PRR12: variants seen among roughly 807,000 people sequenced by gnomAD.
PRR12 encodes proline rich 12.
In PRR12, 12 loss-of-function variants were observed where a neutral mutation model predicts 138.0. That is an observed-to-expected ratio of 0.09 (90% CI 0.06 to 0.14). The LOEUF (loss-of-function observed/expected upper bound fraction) is 0.14. Ranked by LOEUF, PRR12 falls within the 10% of genes least tolerant of loss-of-function variation. The probability of loss-of-function intolerance (pLI) is 1.00; values close to 1 mark genes in which losing one functional copy is unlikely to be tolerated. For missense variants in PRR12, 2,692 were observed against 2,861.3 expected, an observed-to-expected ratio of 0.94 and a Z score of 1.35; for synonymous variants, 1,567 against 1,291.7, an observed-to-expected ratio of 1.21 and a Z score of -4.57.
intron 9 of PRR12, among the ~76,000 whole-genome samples, chr19:49,619,365 C>T (rs1403765463): frequency 1.5e-5 from 2 of 136,520 alleles, no homozygotes; most frequent in African/African-American, 5.5e-5. Context: ...CCTCCCGAGT[C>T]GCTGTGATTA....
In PRR12 at chr19:49,601,772, A is replaced by T. The variant is rs2080813072; in HGVS notation, c.4627A>T (p.Thr1543Ser). ...TCCCGAAGACCCCGAGCTGCCGGAC[A>T]CCCGGCCCCTGCATCTGGCCAAAAA... is the stretch of plus-strand genomic sequence containing the variant. ...PSPEDPELPD[T>S]RPLHLAKKQE... Residue 1543 changes from threonine to serine, a missense_variant, in exon 6 of 14, where the codon ACC becomes TCC. By Grantham distance (58) the Thr-to-Ser change is moderately conservative. This residue lies in a region of PRR12 where 231 missense variants were observed against 200.8 expected (regional missense o/e 1.15). Transcript: ENST00000418929. The T allele has an allele frequency of 1.9e-6, 3 of 1,600,778 alleles. No individual in the cohort carries two copies. The highest frequency in any genetic ancestry group is 2.6e-6 in the Non-Finnish European group (3 of 1,175,664).
In PRR12 at chr19:49,614,559, C is replaced by A. The variant is rs2080882134; in HGVS notation, c.4800C>A (p.Pro1600=). The A allele has an allele frequency of 6.4e-7, 1 of 1,556,820 alleles. No individual in the cohort carries two copies. Among genetic ancestry groups the A allele is most frequent in the Non-Finnish European group, 8.7e-7 (1 of 1,150,444 alleles). ...LKLALQTGRE[P]PPIWRVQKAL... is the part of the protein sequence containing the mutation. ...TGGCGTTGCAGACGGGGCGTGAACC[C>A]CCACCCATCTGGCGAGTCCAGAAGG... The change falls in exon 7 of 14, where the codon CCC becomes CCA. Residue 1600 remains proline (P), a synonymous_variant. Coordinates refer to ENST00000418929, the MANE Select transcript of PRR12 (RefSeq NM_020719.3). The surrounding 1 kb of genome is among the most constrained non-coding windows in gnomAD (Gnocchi z 5.0).
At position 49,596,229 on chromosome 19, in the gene PRR12, C is replaced by T. The variant is rs1462638209; in HGVS notation, c.1894C>T (p.Pro632Ser). The T allele has an allele frequency of 1.9e-6, 3 of 1,610,880 alleles. No homozygotes were observed. Among genetic ancestry groups the T allele is most frequent in the Non-Finnish European group, 2.5e-6 (3 of 1,179,670 alleles). The change falls in exon 4 of 14, where the codon CCT (proline) becomes TCT (serine). Residue 632 changes from proline (P) to serine (S), a missense_variant. By Grantham distance (74) the Pro-to-Ser change is moderately conservative. This residue lies in a region of PRR12 where 840 missense variants were observed against 689.8 expected (regional missense o/e 1.22). Coordinates refer to ENST00000418929, the MANE Select transcript of PRR12 (RefSeq NM_020719.3). This position sits in a 1 kb window ranked among gnomAD's most constrained non-coding sequence, Gnocchi z 5.6. ...GCTGCTGGCGGGCCCAGGTGGGCCT[C>T]CTGCGGAGCGCACAGAGGATGAGGA... ...SELLAGPGGP[P>S]AERTEDEEFL...
intron 1 of PRR12, 59 bp downstream of exon 1, chr19:49,591,799 G>C: frequency 1.1e-6 from 1 of 942,480 alleles, no homozygotes; most frequent in Non-Finnish European, 1.4e-6. Flanking sequence ...CAGCCGGGCC[G>C]GGCCGGGCCG....
chr19:49,610,004 C>T (rs577373840), intron 6 of PRR12, among the ~76,000 whole-genome samples: 8 of 150,850 alleles, frequency 5.3e-5, no homozygotes, highest in East Asian at 2.0e-4. Context: ...GACGAAGTCT[C>T]GCTCTTGTCC....
chr19:49,603,512 G>A (rs897004354), intron 6 of PRR12, among the ~76,000 whole-genome samples: 1 of 152,294 alleles, frequency 6.6e-6, no homozygotes, highest in South Asian at 2.1e-4. Context: ...CCAACATGGT[G>A]AAACCCCGTC....
chr19:49,593,164 C>T (rs10404887), intron 1 of PRR12, among the ~76,000 whole-genome samples, 163 bp from the exon 2 acceptor site: 8 of 151,800 alleles, frequency 5.3e-5, no homozygotes, highest in East Asian at 1.9e-4. Flanking sequence ...TTGAGCACCC[C>T]GATTCCCTTG....
At chr19:49,618,953 C>T (rs2080906479) in intron 9 of PRR12, among the ~76,000 whole-genome samples, 1 of 152,016 alleles carries the variant, frequency 6.6e-6, no homozygotes, top group African/African-American at 2.4e-5. Flanking sequence ...TCATGGCTCC[C>T]TAGTACCCAC....
At chr19:49,615,606 G>C (rs1284834557) in intron 8 of PRR12, 141 bp from the exon 9 acceptor site, 1 of 709,866 alleles carries the variant, frequency 1.4e-6, no homozygotes, top group African/African-American at 1.8e-5. Context: ...GTCCCAGAGA[G>C]GGAGGGGAAC....
At position 49,601,629 on chromosome 19, in the gene PRR12, C is replaced by T; in HGVS notation, c.4484C>T (p.Ser1495Leu). 2 of 1,539,334 alleles carry T rather than the reference C, an allele frequency of 1.3e-6. No individual in the cohort carries two copies. The highest frequency in any genetic ancestry group is 2.5e-5 in the East Asian group (1 of 40,730). Residue 1495 changes from serine to leucine, a missense_variant, in exon 6 of 14, where the codon TCA becomes TTA. This residue lies in a region of PRR12 where 231 missense variants were observed against 200.8 expected (regional missense o/e 1.15). Coordinates refer to ENST00000418929, the MANE Select transcript of PRR12 (RefSeq NM_020719.3). ...CCGCTGGTGGCCCCCACGCCCAGCTCACCACCGCCACCGCCGCTGCCGCCG... is the reference window on the plus strand; with the variant it reads ...CCGCTGGTGGCCCCCACGCCCAGCTTACCACCGCCACCGCCGCTGCCGCCG... The part of the protein sequence containing the change: ...PPPLVAPTPS[S>L]PPPPPLPPPP...
rs937401075 is a variant in PRR12, at chr19:49,616,625, A to T, written c.5497+406A>T. Among the ~76,000 whole-genome samples the T allele has an allele frequency of 6.6e-6, 1 of 152,152 alleles. No homozygotes were observed. The highest frequency in any genetic ancestry group is 1.5e-5 in the Non-Finnish European group (1 of 68,024). Reference sequence around the variant, plus strand: ...GGCTGAGGAAGATGTGGGACTAGGCAGCTGTCCTGGAGGCTCTGTGATGGT... The same window carrying T: ...GGCTGAGGAAGATGTGGGACTAGGCTGCTGTCCTGGAGGCTCTGTGATGGT... On this transcript the variant is annotated intron_variant, in intron 9 of 13. Transcript: ENST00000418929. This position sits in a 1 kb window ranked among gnomAD's most constrained non-coding sequence, Gnocchi z 4.2.
chr19:49,595,395 G>C lies in PRR12; in HGVS notation c.1060G>C (p.Ala354Pro), dbSNP rs1369015167. Residue 354 changes from alanine (A) to proline (P), a missense_variant, in exon 4 of 14, where the codon GCC (alanine) becomes CCC (proline). Physicochemically the swap from Ala to Pro is conservative, Grantham distance 27. Around this residue, in one of 11 missense-constraint regions of PRR12, gnomAD observed 523 missense variants for 496.4 expected, o/e 1.05. Coordinates refer to ENST00000418929, the MANE Select transcript of PRR12 (RefSeq NM_020719.3). Reference protein sequence around the residue: ...GEPSKAGPSGATAGASGRATG... With the variant: ...GEPSKAGPSGPTAGASGRATG... ...GCCTAGCAAGGCTGGTCCCAGCGGA[G>C]CCACGGCTGGGGCATCTGGCCGGGC... The C allele has an allele frequency of 6.5e-7, 1 of 1,542,586 alleles. No homozygotes were observed.
In PRR12 at chr19:49,593,390, T is replaced by C. The variant is rs779239301; in HGVS notation, c.150T>C (p.Tyr50=). 2 of 1,610,278 alleles carry C rather than the reference T, an allele frequency of 1.2e-6. No homozygotes were observed. Among genetic ancestry groups the C allele is most frequent in the South Asian group, 2.2e-5 (2 of 90,832 alleles). Residue 50 remains tyrosine, a synonymous_variant, in exon 2 of 14, where the codon TAT becomes TAC. Transcript: ENST00000418929. ...CGGACATCTTACACCGCCAGGCCTA[T>C]GCGGCCCCCCACCCACTGCAAAGCT... is the stretch of plus-strand genomic sequence containing the variant. ...PETDILHRQA[Y]AAPHPLQSYA... is the part of the protein sequence containing the mutation.
chr19:49,593,341 G>C lies in PRR12; in HGVS notation c.101G>C (p.Ser34Thr). ...RSAKASLVYG[S>T]SRTSHPETDI... ...TTTCCCCCCAGCTTGGTTTATGGCAGCTCCAGGACCTCGCACCCCGAGACG... is the reference window on the plus strand; with the variant it reads ...TTTCCCCCCAGCTTGGTTTATGGCACCTCCAGGACCTCGCACCCCGAGACG... Residue 34 changes from serine (S) to threonine (T), a missense_variant, in exon 2 of 14, where the codon AGC (serine) becomes ACC (threonine). By Grantham distance (58) the Ser-to-Thr change is moderately conservative (BLOSUM62 1). Around this residue, in one of 11 missense-constraint regions of PRR12, gnomAD observed 211 missense variants for 266.3 expected, o/e 0.79. Transcript: ENST00000418929. The C allele has an allele frequency of 1.2e-6, 2 of 1,606,174 alleles. No homozygotes were observed. The highest frequency in any genetic ancestry group is 1.7e-6 in the Non-Finnish European group (2 of 1,176,482).
In PRR12 at chr19:49,596,552, C is replaced by T. The variant is rs755217328; in HGVS notation, c.2217C>T (p.Pro739=). The T allele has an allele frequency of 3.7e-5, 60 of 1,605,478 alleles. No homozygotes were observed. The highest frequency in any genetic ancestry group is 5.5e-5 in the South Asian group (5 of 90,170). The change falls in exon 4 of 14, where the codon CCC becomes CCT. Residue 739 remains proline, a synonymous_variant. Transcript: ENST00000418929. This position sits in a 1 kb window ranked among gnomAD's most constrained non-coding sequence, Gnocchi z 5.6. ...GGCCAGAGCGGGGTGGCGAGACCCC[C>T]GAGGGGCTGGCCACCTCTGTTGTCC... The part of the protein sequence containing the change: ...KKGPERGGET[P]EGLATSVVHY...
At chr19:49,598,086 T>A (rs1599788273) in intron 4 of PRR12, 73 bp downstream of exon 4, 9 of 1,258,266 alleles carry the variant, frequency 7.2e-6, no homozygotes, top group Non-Finnish European at 9.0e-6. Context: ...TTTTTTTTTT[T>A]TTTTTGAGAC....
intron 6 of PRR12, among the ~76,000 whole-genome samples, chr19:49,610,574 G>T (rs1194790411): frequency 9.4e-6 from 1 of 106,224 alleles, no homozygotes; most frequent in Non-Finnish European, 1.8e-5. Context: ...ATGGAGTCTC[G>T]CTCTGTTGCC....
In PRR12 at chr19:49,625,960, T is replaced by C. The variant is rs1486678133; in HGVS notation, c.*353T>C. Reference sequence around the variant, plus strand: ...GTACATAATGTATAGGAAAAGTCTATGTATGGCTGGGGGGGGTGGGGTGGC... The same window carrying C: ...GTACATAATGTATAGGAAAAGTCTACGTATGGCTGGGGGGGGTGGGGTGGC... On this transcript the variant is annotated 3_prime_UTR_variant, in exon 14 of 14. Coordinates refer to ENST00000418929, the MANE Select transcript of PRR12 (RefSeq NM_020719.3). This position sits in a 1 kb window ranked among gnomAD's most constrained non-coding sequence, Gnocchi z 5.5. The C allele has an allele frequency of 6.1e-6, 1 of 163,070 alleles. No individual in the cohort carries two copies. Among genetic ancestry groups the C allele is most frequent in the Non-Finnish European group, 1.3e-5 (1 of 76,032 alleles). The allele number at this position is 163,070 out of a possible 1,614,324, so 10.1% of individuals were successfully genotyped here.
chr19:49,623,048 G>A (rs1176628851), intron 11 of PRR12, among the ~76,000 whole-genome samples: 1 of 151,652 alleles, frequency 6.6e-6, no homozygotes, highest in Admixed American at 6.6e-5. Context: ...TGGGATGACC[G>A]AGAATTCTGG....
Sources: allele counts gnomAD v4.1 joint callset (sites outside exome capture counted in the v4.1 genomes callset), GRCh38; gene constraint gnomAD v4.1.1; regional missense constraint gnomAD v4.1.1; non-coding constraint Gnocchi (gnomAD v3.1); transcripts MANE v1.5; gene names NCBI Gene and HGNC (gene_info 2026-07-23, HGNC 2026-07-21).